The following TRIP12 variants were observed in gnomAD, a reference collection of about 807,000 sequenced individuals.
TRIP12 encodes E3 ubiquitin-protein ligase TRIP12.
A neutral mutation model predicts 244.2 loss-of-function variants in TRIP12; 25 were observed. The ratio of observed to expected loss-of-function variants is 0.10; its 90% CI spans 0.07 to 0.14. TRIP12 has a LOEUF of 0.14. TRIP12 is among the 10% of genes least tolerant of loss of function. The probability of loss-of-function intolerance (pLI) is 1.00; values close to 1 mark genes in which losing one functional copy is unlikely to be tolerated. For synonymous variants in TRIP12, 905 were observed against 873.1 expected, an observed-to-expected ratio of 1.04 and a Z score of -0.64; for missense variants, 1,677 against 2,486.4, an observed-to-expected ratio of 0.67 and a Z score of 6.92.
At chr2:229,787,839 G>A (rs930372422) in intron 32 of TRIP12, among the ~76,000 whole-genome samples, 178 bp from the exon 33 acceptor site, 1 of 151,906 alleles carries the variant, frequency 6.6e-6, no homozygotes, top group Non-Finnish European at 1.5e-5. Context: ...CCTTGCTCCT[G>A]TCGCCCAGGC....
chr2:229,824,790 AC>A (rs2051075985), intron 8 of TRIP12, among the ~76,000 whole-genome samples: 1 of 152,242 alleles, frequency 6.6e-6, no homozygotes, highest in South Asian at 2.1e-4. Flanking sequence ...TAACAGAAGG[AC>A]AAGGCATAAA....
intron 23 of TRIP12, among the ~76,000 whole-genome samples, chr2:229,798,546 A>G (rs2043392957): frequency 6.6e-6 from 1 of 152,118 alleles, no homozygotes; most frequent in African/African-American, 2.4e-5. Context: ...AAAGATGTGA[A>G]GAATGTGGAC....
chr2:229,897,820 CCT>C (rs957264469), intron 1 of TRIP12, among the ~76,000 whole-genome samples: 20 of 152,274 alleles, frequency 1.3e-4, no homozygotes, highest in African/African-American at 4.8e-4. Flanking sequence ...ATGTTTGCCT[CCT>C]CTCTCTCCCC....
intron 12 of TRIP12, 98 bp from the exon 13 acceptor site, chr2:229,814,129 A>C: frequency 1.3e-6 from 2 of 1,523,592 alleles, no homozygotes; most frequent in Non-Finnish European, 1.8e-6. Context: ...TCTGGAAACA[A>C]CATTTGTATC....
chr2:229,771,703 G>A (rs986174284), intron 38 of TRIP12, 71 bp from the exon 39 acceptor site: 18 of 1,146,714 alleles, frequency 1.6e-5, no homozygotes, highest in Non-Finnish European at 2.2e-5. Context: ...ATGTGGCAAA[G>A]TACAGTGAAA....
rs1205770346 is a variant in TRIP12, at chr2:229,778,555, G to A, written c.5242C>T (p.Leu1748Phe). 1 of 1,613,972 alleles carries A rather than the reference G, an allele frequency of 6.2e-7. No homozygotes were observed. Among genetic ancestry groups the A allele is most frequent in the Non-Finnish European group, 8.5e-7 (1 of 1,179,914 alleles). The change falls in exon 36 of 42, where the codon CTC (leucine) becomes TTC (phenylalanine). Residue 1748 changes from leucine to phenylalanine, a missense_variant. Leu to Phe is a conservative substitution (Grantham distance 22). Around this residue, in one of 11 missense-constraint regions of TRIP12, gnomAD observed 171 missense variants for 388.4 expected, o/e 0.44. Coordinates refer to ENST00000675903, the MANE Select transcript of TRIP12 (RefSeq NM_001348323.3). The surrounding 1 kb of genome is among the most constrained non-coding windows in gnomAD (Gnocchi z 4.1). The part of the protein sequence containing the change: ...SQEGTKYIQN[L>F]QGLFALPFGR... ...AAGGGAAGCGCAAACAGGCCCTGGAGGTTTTGAATATACTTGGTCCCTTCT... is the reference window on the plus strand; with the variant it reads ...AAGGGAAGCGCAAACAGGCCCTGGAAGTTTTGAATATACTTGGTCCCTTCT...
chr2:229,880,090 C>G lies in TRIP12; in HGVS notation c.-11G>C, dbSNP rs2064513426. On this transcript the variant is annotated 5_prime_UTR_variant, in exon 2 of 42. Coordinates refer to ENST00000675903, the MANE Select transcript of TRIP12 (RefSeq NM_001348323.3). ...AGGCCGGTTGGACATTGGCACCTCT[C>G]TCTTGAAGGGACATACCCTTTCTAG... 5 of 1,613,372 alleles carry G rather than the reference C, an allele frequency of 3.1e-6. No homozygotes were observed. In the East Asian group the frequency reaches 6.7e-5, roughly 22 times the overall value.
chr2:229,915,847 AC>A (rs2075282752), intron 1 of TRIP12, among the ~76,000 whole-genome samples: 1 of 152,072 alleles, frequency 6.6e-6, no homozygotes, highest in Non-Finnish European at 1.5e-5. Context: ...GGCATGTGCC[AC>A]CATGCCCAGC....
chr2:229,782,886 T>C (rs2154250500), intron 34 of TRIP12, among the ~76,000 whole-genome samples: 1 of 152,208 alleles, frequency 6.6e-6, no homozygotes, highest in African/African-American at 2.4e-5. Flanking sequence ...AGAACCTCCA[T>C]TAAGAGGTTC....
chr2:229,922,564 G>T, upstream of TRIP12: 1 of 1,614,078 alleles, frequency 6.2e-7, no homozygotes, highest in Non-Finnish European at 8.5e-7. Context: ...GACAAGGCCC[G>T]CCGCCTAGCA....
chr2:229,771,182 G>C (rs1193445457), intron 39 of TRIP12, among the ~76,000 whole-genome samples: 1 of 152,212 alleles, frequency 6.6e-6, no homozygotes, highest in Non-Finnish European at 1.5e-5. Flanking sequence ...CCCCCTCCAT[G>C]TCTCTCTTTG....
chr2:229,902,628 A>T (rs1169599900), intron 1 of TRIP12, among the ~76,000 whole-genome samples: 1 of 152,236 alleles, frequency 6.6e-6, no homozygotes, highest in East Asian at 1.9e-4. Flanking sequence ...TTTGAGAGCT[A>T]GACTTCCAAC....
intron 19 of TRIP12, 58 bp from the exon 20 acceptor site, chr2:229,803,747 G>T: frequency 7.7e-7 from 1 of 1,302,970 alleles, no homozygotes; most frequent in Non-Finnish European, 1.1e-6. Flanking sequence ...ATTATTTTTG[G>T]CCATACTACT....
intron 1 of TRIP12, among the ~76,000 whole-genome samples, chr2:229,904,112 T>A (rs760602267): frequency 6.6e-6 from 1 of 152,028 alleles, no homozygotes; most frequent in Non-Finnish European, 1.5e-5. Flanking sequence ...CTAGCATTTT[T>A]AAAAAGGATT....
Position 229,805,829 on chromosome 2 carries a change from A to G in TRIP12, c.2551T>C (p.Tyr851His). ...TGCATAGAATTAAAATCAATAGTAT[A>G]AACTCGTCCCAGAGTGGACAAGCTT... Reference protein sequence around the residue: ...EISLSTLGRVYTIDFNSMQQI... With the variant: ...EISLSTLGRVHTIDFNSMQQI... The change falls in exon 18 of 42, where the codon TAT becomes CAT. Residue 851 changes from tyrosine to histidine, a missense_variant. By Grantham distance (83) the Tyr-to-His change is moderately conservative. Transcript: ENST00000675903. The G allele has an allele frequency of 6.2e-7, 1 of 1,609,240 alleles. No individual in the cohort carries two copies. The highest frequency in any genetic ancestry group is 1.1e-5 in the South Asian group (1 of 90,702).
intron 1 of TRIP12, among the ~76,000 whole-genome samples, chr2:229,891,030 C>G (rs1385054784): frequency 6.6e-6 from 1 of 152,186 alleles, no homozygotes; most frequent in Non-Finnish European, 1.5e-5. Flanking sequence ...ATAATCCCAG[C>G]ACTATGGGAG....
chr2:229,824,633 C>T (rs2051011092), intron 8 of TRIP12, among the ~76,000 whole-genome samples: 1 of 152,180 alleles, frequency 6.6e-6, no homozygotes, highest in African/African-American at 2.4e-5. Context: ...ATGCAACATG[C>T]ATGTGGCAGC....
chr2:229,917,141 G>A (rs549566543), intron 1 of TRIP12, among the ~76,000 whole-genome samples: 44 of 152,172 alleles, frequency 2.9e-4, no homozygotes, highest in African/African-American at 1.0e-3. Flanking sequence ...AGCACTTTGG[G>A]AGTCCAAGGC....
chr2:229,830,939 T>C (rs1305182688), intron 6 of TRIP12, 100 bp from the exon 7 acceptor site: 5 of 940,152 alleles, frequency 5.3e-6, no homozygotes, highest in African/African-American at 4.9e-5. Flanking sequence ...TACAATTGAA[T>C]AAAGGCAATT....
Sources: allele counts gnomAD v4.1 joint callset (sites outside exome capture counted in the v4.1 genomes callset), GRCh38; gene constraint gnomAD v4.1.1; regional missense constraint gnomAD v4.1.1; non-coding constraint Gnocchi (gnomAD v3.1); transcripts MANE v1.5; gene names NCBI Gene and HGNC (gene_info 2026-07-23, HGNC 2026-07-21).